Variants in AGBL1 observed in about 807,000 individuals in gnomAD.
AGBL1 encodes the protein cytosolic carboxypeptidase 4.
AGBL1 carries 130 observed loss-of-function variants against 118.9 expected under a neutral mutation model. The observed-to-expected ratio is 1.09, with a 90% CI of 0.95 to 1.26. The LOEUF is 1.26. Among genes scored for constraint, AGBL1 ranks in the 50% most tolerant of loss-of-function variants. The probability of loss-of-function intolerance (pLI) is 0.00; values close to 1 mark genes in which losing one functional copy is unlikely to be tolerated. For missense variants in AGBL1, 1,584 were observed against 1,298.1 expected, an observed-to-expected ratio of 1.22 and a Z score of -3.38; for synonymous variants, 555 against 478.9, an observed-to-expected ratio of 1.16 and a Z score of -2.08.
chr15:87,013,786 G>A (rs2081584436), intron 24 of AGBL1, among the ~76,000 whole-genome samples: 1 of 138,318 alleles, frequency 7.2e-6, no homozygotes, highest in African/African-American at 2.6e-5. Flanking sequence ...AGACATTAGT[G>A]ACTTGTTTAA....
chr15:86,244,375 T>A (rs982109772), intron 6 of AGBL1, among the ~76,000 whole-genome samples: 2 of 152,174 alleles, frequency 1.3e-5, no homozygotes, highest in African/African-American at 4.8e-5. Flanking sequence ...AAGTTGCTGA[T>A]CCCAGTGACC....
intron 17 of AGBL1, among the ~76,000 whole-genome samples, chr15:86,305,894 C>T (rs1041502936): frequency 6.6e-6 from 1 of 152,158 alleles, no homozygotes; most frequent in African/African-American, 2.4e-5. Context: ...TTCTGTGCTA[C>T]CACTTTACAC....
chr15:86,512,485 CA>C (rs1169674938), intron 18 of AGBL1, among the ~76,000 whole-genome samples: 1 of 151,750 alleles, frequency 6.6e-6, no homozygotes, highest in African/African-American at 2.4e-5. Context: ...ACATTGTCCT[CA>C]AAAAGGTGTA....
At chr15:86,474,022 G>A (rs1446625564) in intron 18 of AGBL1, among the ~76,000 whole-genome samples, 1 of 152,132 alleles carries the variant, frequency 6.6e-6, no homozygotes, top group Admixed American at 6.5e-5. Flanking sequence ...AAATTGCACT[G>A]TTTGGTATTT....
intron 22 of AGBL1, among the ~76,000 whole-genome samples, chr15:86,733,195 A>G (rs1596417566): frequency 6.6e-6 from 1 of 152,052 alleles, no homozygotes; most frequent in East Asian, 1.9e-4. Flanking sequence ...CCAATGGTAT[A>G]GTGCAGTCTG....
intron 20 of AGBL1, among the ~76,000 whole-genome samples, chr15:86,548,657 ATG>A (rs958240223): frequency 2.6e-5 from 3 of 114,384 alleles, no homozygotes; most frequent in African/African-American, 1.2e-4. Flanking sequence ...ACACACACAC[ATG>A]CACGCACACA....
In AGBL1 at chr15:86,263,750, A is replaced by G. The variant is rs970558430; in HGVS notation, c.1087-508A>G. ...ATTTTAGACCTGCTTTTTGATCTCCATTATTTTCTTATGGCTCTTAGTAAT... is the reference window on the plus strand; with the variant it reads ...ATTTTAGACCTGCTTTTTGATCTCCGTTATTTTCTTATGGCTCTTAGTAAT... On this transcript the variant is annotated intron_variant, in intron 10 of 22. Coordinates refer to ENST00000614907, the MANE Select transcript of AGBL1 (RefSeq NM_001386094.1). Among the ~76,000 whole-genome samples the G allele has an allele frequency of 2.0e-5, 3 of 152,076 alleles. No individual in the cohort carries two copies. In the East Asian group the frequency reaches 5.8e-4, roughly 29 times the overall value.
At chr15:86,836,564 A>G (rs2079174040) in intron 22 of AGBL1, among the ~76,000 whole-genome samples, 1 of 152,012 alleles carries the variant, frequency 6.6e-6, no homozygotes, top group Admixed American at 6.6e-5. Context: ...TCCTTTAAGG[A>G]GTCTAGTTAT....
chr15:86,945,952 G>A (rs906646320), intron 23 of AGBL1, among the ~76,000 whole-genome samples: 3 of 152,202 alleles, frequency 2.0e-5, no homozygotes, highest in South Asian at 2.1e-4. Context: ...CTTCATGTGC[G>A]TTATCTGATT....
At chr15:86,113,794 GT>G in intron 1 of AGBL1, among the ~76,000 whole-genome samples, 1 of 152,142 alleles carries the variant, frequency 6.6e-6, no homozygotes, top group Non-Finnish European at 1.5e-5. Flanking sequence ...CAATAGTACC[GT>G]TTTACTACTA....
intron 18 of AGBL1, among the ~76,000 whole-genome samples, chr15:86,410,878 T>TATAATATA (rs2081605812): frequency 8.8e-5 from 7 of 79,548 alleles, no homozygotes; most frequent in Non-Finnish European, 1.4e-4. Flanking sequence ...ATAATATATA[T>TATAATATA]TATAATATAT....
intron 1 of AGBL1, among the ~76,000 whole-genome samples, chr15:86,106,846 G>A (rs1897082223): frequency 6.6e-6 from 1 of 152,206 alleles, no homozygotes; most frequent in Non-Finnish European, 1.5e-5. Flanking sequence ...GATCAGGCTA[G>A]TGGATCTCAG....
chr15:86,707,935 A>T (rs1477275518), intron 22 of AGBL1, among the ~76,000 whole-genome samples: 2 of 152,128 alleles, frequency 1.3e-5, no homozygotes, highest in South Asian at 2.1e-4. Context: ...GGGTTAATAG[A>T]GGGAGCGGGG....
At chr15:86,160,834 C>T (rs2141714146) in intron 5 of AGBL1, among the ~76,000 whole-genome samples, 1 of 152,190 alleles carries the variant, frequency 6.6e-6, no homozygotes, top group Non-Finnish European at 1.5e-5. Flanking sequence ...GAAGGCTCCC[C>T]TAGGAAGCTC....
intron 18 of AGBL1, among the ~76,000 whole-genome samples, chr15:86,435,823 C>T (rs2081994207): frequency 6.6e-6 from 1 of 152,084 alleles, no homozygotes; most frequent in South Asian, 2.1e-4. Flanking sequence ...AGGTACAGTG[C>T]CTAACACTGT....
chr15:86,757,505 G>A (rs572800010), intron 22 of AGBL1, among the ~76,000 whole-genome samples: 1 of 152,108 alleles, frequency 6.6e-6, no homozygotes, highest in East Asian at 1.9e-4. Context: ...TGGCACTATT[G>A]GGAAGGATTT....
intron 5 of AGBL1, among the ~76,000 whole-genome samples, chr15:86,185,542 G>T (rs964951427): frequency 3.3e-5 from 5 of 152,086 alleles, no homozygotes; most frequent in Admixed American, 1.3e-4. Context: ...TTAAGAAAAC[G>T]TGGGACATAT....
At chr15:86,724,457 A>C (rs1431719701) in intron 22 of AGBL1, among the ~76,000 whole-genome samples, 1 of 152,094 alleles carries the variant, frequency 6.6e-6, no homozygotes. Flanking sequence ...CCTGAGGTGT[A>C]TAGGTGATAG....
At chr15:86,118,038 G>C (rs1023816716) in intron 1 of AGBL1, among the ~76,000 whole-genome samples, 4 of 152,194 alleles carry the variant, frequency 2.6e-5, no homozygotes, top group African/African-American at 9.6e-5. Flanking sequence ...ACATTAAACT[G>C]CTATCTCTGA....
Sources: allele counts gnomAD v4.1 joint callset (sites outside exome capture counted in the v4.1 genomes callset), GRCh38; gene constraint gnomAD v4.1.1; transcripts MANE v1.5; gene names NCBI Gene and HGNC (gene_info 2026-07-23, HGNC 2026-07-21).